The following RPS29 variants were observed in gnomAD, a reference collection of about 807,000 sequenced individuals.
The protein encoded by RPS29 is ribosomal protein S29.
For synonymous variants in RPS29, 37 were observed against 26.9 expected (o/e 1.37, Z -1.16); for missense variants, 60 against 75.7 (o/e 0.79, Z 0.77).
chr14:49,583,812 T>C, intron 2 of RPS29, 137 bp from the exon 3 acceptor site: 2 of 563,340 alleles, frequency 3.6e-6, no homozygotes, highest in Middle Eastern at 4.5e-4. Context: ...CACCAGATTC[T>C]ATGTAGTTTA....
At chr14:49,586,630 G>A (rs1280763219), upstream of RPS29, 31 of 460,046 alleles carry the variant, frequency 6.7e-5, no homozygotes, top group Admixed American at 8.7e-4. Flanking sequence ...GGAGGCTGAG[G>A]CTGGAGGATC....
At chr14:49,582,367 T>C (rs754679390), downstream of RPS29, among the ~76,000 whole-genome samples, 5 of 152,188 alleles carry the variant, frequency 3.3e-5, no homozygotes, top group Non-Finnish European at 7.3e-5. Flanking sequence ...AGCCACAACT[T>C]TGCTATTTCT....
chr14:49,590,471 G>A (rs777528718), upstream of RPS29, among the ~76,000 whole-genome samples: 4 of 151,390 alleles, frequency 2.6e-5, no homozygotes, highest in Non-Finnish European at 4.4e-5. Context: ...GTGAGATTCC[G>A]TCTCAAAAAA....
At chr14:49,574,735 G>C (rs1348621894) in exon 3 of RPS29, 2 of 152,206 alleles carry the variant, frequency 1.3e-5, no homozygotes, top group Non-Finnish European at 2.9e-5. Flanking sequence ...TAAACCTTTA[G>C]TGGCAGCCTG....
chr14:49,586,366 C>A lies in RPS29; in HGVS notation c.-20G>T, dbSNP rs749973930. The A allele has an allele frequency of 2.5e-6, 4 of 1,612,714 alleles. No individual in the cohort carries two copies. The highest frequency in any genetic ancestry group is 3.4e-6 in the Non-Finnish European group (4 of 1,178,702). On this transcript the variant is annotated 5_prime_UTR_variant, in exon 1 of 3. Transcript: ENST00000245458. ...ACCCATCTTGCTCTCAGCAGTGCAA[C>A]GAGGTAAAAGGAAGAAGCTGGCCCA...
At chr14:49,584,169 C>T (rs2139510786) in intron 2 of RPS29, among the ~76,000 whole-genome samples, 1 of 152,270 alleles carries the variant, frequency 6.6e-6, no homozygotes, top group South Asian at 2.1e-4. Context: ...AACAGGTTTT[C>T]GCCATGTTGG....
At chr14:49,571,774 C>T (rs1881063115) in exon 3 of RPS29, 1 of 152,224 alleles carries the variant, frequency 6.6e-6, no homozygotes, top group Non-Finnish European at 1.5e-5. Context: ...GAAAGCTTCG[C>T]ATCCAGCGCC....
chr14:49,591,311 T>C (rs1040475417), upstream of RPS29, among the ~76,000 whole-genome samples: 4 of 151,926 alleles, frequency 2.6e-5, no homozygotes, highest in Non-Finnish European at 4.4e-5. Flanking sequence ...GTTTGTTTGT[T>C]TGTTTGTTTT....
chr14:49,586,488 T>TA, upstream of RPS29: 2 of 729,630 alleles, frequency 2.7e-6, no homozygotes, highest in Non-Finnish European at 4.8e-6. Context: ...GCTGGGTGAG[T>TA]AAAATGAAAT....
At chr14:49,593,034 C>T (rs568922859) in intron 1 of RPS29, among the ~76,000 whole-genome samples, 6 of 152,242 alleles carry the variant, frequency 3.9e-5, no homozygotes, top group Non-Finnish European at 8.8e-5. Flanking sequence ...TTGAAACCAC[C>T]TAAAATTTAT....
intron 1 of RPS29, 105 bp from the exon 2 acceptor site, chr14:49,586,154 C>A: frequency 7.2e-7 from 1 of 1,386,812 alleles, no homozygotes; most frequent in Non-Finnish European, 1.0e-6. Flanking sequence ...CAGTACAGGC[C>A]TGTAATGGCG....
exon 3 of RPS29, chr14:49,577,595 T>C (rs895517964): frequency 5.9e-6 from 4 of 678,470 alleles, no homozygotes; most frequent in African/African-American, 1.8e-5. Context: ...CTGGGCAGTA[T>C]GTGCTTTGTC....
At chr14:49,591,086 ATATTT>A (rs1250067864), upstream of RPS29, among the ~76,000 whole-genome samples, 1 of 152,162 alleles carries the variant, frequency 6.6e-6, no homozygotes, top group Non-Finnish European at 1.5e-5. Flanking sequence ...GCAAATATTA[ATATTT>A]TAATTAACTG....
At chr14:49,581,069 C>A (rs1292268014), downstream of RPS29, among the ~76,000 whole-genome samples, 4 of 151,942 alleles carry the variant, frequency 2.6e-5, no homozygotes, top group South Asian at 2.1e-4. Flanking sequence ...TGCCTGTAAT[C>A]CCAGCTACTC....
At chr14:49,594,264 T>G (rs1881775597) in intron 1 of RPS29, among the ~76,000 whole-genome samples, 1 of 152,080 alleles carries the variant, frequency 6.6e-6, no homozygotes, top group Non-Finnish European at 1.5e-5. Context: ...TGATCAGGTC[T>G]GAATTTTATC....
downstream of RPS29, among the ~76,000 whole-genome samples, chr14:49,580,033 C>A (rs553465130): frequency 5.9e-5 from 9 of 152,174 alleles, no homozygotes; most frequent in East Asian, 1.7e-3. Context: ...AGCAGCCTTC[C>A]CACTCACTAC....
exon 3 of RPS29, chr14:49,576,925 T>C (rs953075416): frequency 1.3e-5 from 2 of 152,286 alleles, no homozygotes; most frequent in African/African-American, 4.8e-5. Flanking sequence ...AAACCTATTT[T>C]TCTTCCCAGT....
At chr14:49,598,609 T>C (rs1329900591) in exon 1 of RPS29, 5 of 701,430 alleles carry the variant, frequency 7.1e-6, no homozygotes, top group Non-Finnish European at 1.3e-5. Flanking sequence ...CACACCTGCC[T>C]TCCCTCGGGA....
exon 3 of RPS29, chr14:49,571,293 T>C (rs555389530): frequency 4.6e-5 from 7 of 152,282 alleles, no homozygotes; most frequent in African/African-American, 1.4e-4. Flanking sequence ...ACTCCACCAT[T>C]GGCAAGTTCA....
Sources: allele counts gnomAD v4.1 joint callset (sites outside exome capture counted in the v4.1 genomes callset), GRCh38; gene constraint gnomAD v4.1.1; transcripts MANE v1.5; gene names NCBI Gene and HGNC (gene_info 2026-07-23, HGNC 2026-07-21).